The following CYP2D6 variants were observed in gnomAD, a reference collection of about 807,000 sequenced individuals.
CYP2D6 encodes the protein cytochrome P450 2D6.
A neutral mutation model predicts 43.5 loss-of-function variants in CYP2D6; 51 were observed. The observed-to-expected ratio is 1.17, with a 90% CI of 0.94 to 1.48. CYP2D6 has a LOEUF of 1.48. Among genes scored for constraint, CYP2D6 ranks in the 40% most tolerant of loss-of-function variants. The pLI is 0.00. For missense variants in CYP2D6, 698 were observed against 688.0 expected, an observed-to-expected ratio of 1.01 and a Z score of -0.16; for synonymous variants, 346 against 297.1, an observed-to-expected ratio of 1.16 and a Z score of -1.69.
In CYP2D6 at chr22:42,129,120, G is replaced by A. The variant is rs1348130038; in HGVS notation, c.418C>T (p.Arg140Cys). ...GACTTCTTGCCCAGGCCCAAGTTGC[G>A]CAAGGTGGACACGGAGAAGCGCCTC... ...EQRRFSVSTLRNLGLGKKSLE... is the reference protein window; with the variant it reads ...EQRRFSVSTLCNLGLGKKSLE... Residue 140 changes from arginine (R) to cysteine (C), a missense_variant, in exon 3 of 9, where the codon CGC becomes TGC. Physicochemically the swap from Arg to Cys is radical, Grantham distance 180. Coordinates refer to ENST00000645361, the MANE Select transcript of CYP2D6 (RefSeq NM_000106.6). The A allele has an allele frequency of 3.7e-6, 6 of 1,610,436 alleles. No homozygotes were observed. The highest frequency in any genetic ancestry group is 2.2e-5 in the East Asian group (1 of 44,754).
Position 42,128,213 on chromosome 22 carries a change from G to C in CYP2D6, c.804C>G (p.Pro268=), listed in dbSNP as rs755706099. ...CCAGGAAGGCCTCAGTCAGGTCTCGGGGGGGCTGGGCTGGGTCCCAGGTCA... is the reference window on the plus strand; with the variant it reads ...CCAGGAAGGCCTCAGTCAGGTCTCGCGGGGGCTGGGCTGGGTCCCAGGTCA... ...HRMTWDPAQP[P]RDLTEAFLAE... The change falls in exon 5 of 9, where the codon CCC becomes CCG. Residue 268 remains proline, a synonymous_variant. Coordinates refer to ENST00000645361, the MANE Select transcript of CYP2D6 (RefSeq NM_000106.6). 1.1e-5 allele frequency: 17 copies of C among 1,609,668 alleles called. 1 individual carries two copies. In the East Asian group the frequency reaches 1.1e-4, roughly 11 times the overall value.
rs1395910637 is a variant in CYP2D6 at position 42,129,147 on chromosome 22, G to A, written c.391C>T (p.Gln131Ter). 1 of 1,609,096 alleles carries A rather than the reference G, an allele frequency of 6.2e-7. No individual in the cohort carries two copies. The highest frequency in any genetic ancestry group is 1.7e-5 in the Admixed American group (1 of 59,902). The change falls in exon 3 of 9, where the codon CAG (glutamine) becomes TAG (stop). Residue 131 changes from glutamine to a stop codon, truncating the protein, a stop_gained. Coordinates refer to ENST00000645361, the MANE Select transcript of CYP2D6 (RefSeq NM_000106.6). LOFTEE classifies it high-confidence loss of function. ...AAGGTGGACACGGAGAAGCGCCTCT[G>A]CTCGCGCCACGCGGGCCCATAGCGC... ...LARYGPAWRE[Q>*]RRFSVSTLRN...
intron 4 of CYP2D6, 142 bp downstream of exon 4, chr22:42,128,642 A>G: frequency 9.9e-7 from 1 of 1,012,330 alleles, no homozygotes; most frequent in Non-Finnish European, 1.5e-6. Flanking sequence ...CTCCTCCTCC[A>G]GGCCCTTCTT....
At position 42,129,216 on chromosome 22, in the gene CYP2D6, C is replaced by G. The variant is rs768749385; in HGVS notation, c.353-31G>C. The G allele has an allele frequency of 6.9e-6, 11 of 1,596,100 alleles. No individual in the cohort carries two copies. In the South Asian group the frequency reaches 1.2e-4, roughly 18 times the overall value. ...GGTGGGACGGGCACGTGCGCGTGGC[C>G]ATGAAGGCATTAGCCCCACCATCCA... On this transcript the variant is annotated intron_variant, in intron 2 of 8. Coordinates refer to ENST00000645361, the MANE Select transcript of CYP2D6 (RefSeq NM_000106.6).
In CYP2D6 at chr22:42,127,652, C is replaced by T. The variant is rs1931155382; in HGVS notation, c.986-18G>A. 5.6e-6 allele frequency: 9 copies of T among 1,609,438 alleles called. 1 individual carries two copies. Among genetic ancestry groups the T allele is most frequent in the African/African-American group, 1.3e-5 (1 of 74,460 alleles). ...GACACGGCCTGGACAGACATGCGTC[C>T]CCACAATGGGTCAGCACCCAGGGGG... is the stretch of plus-strand genomic sequence containing the variant. On this transcript the variant is annotated intron_variant, in intron 6 of 8. Transcript: ENST00000645361.
chr22:42,127,432 G>T lies in CYP2D6; in HGVS notation c.1173+15C>A, dbSNP rs1306424560. On this transcript the variant is annotated intron_variant, in intron 7 of 8. Coordinates refer to ENST00000645361, the MANE Select transcript of CYP2D6 (RefSeq NM_000106.6). ...TGCTGGTGCTGAGCTGGGGTGAGGA[G>T]GGCGCCAGGCCTACCTTAGGGATGC... 5 of 1,594,522 alleles carry T rather than the reference G, an allele frequency of 3.1e-6. No homozygotes were observed. The highest frequency in any genetic ancestry group is 4.3e-6 in the Non-Finnish European group (5 of 1,164,138).
chr22:42,129,615 G>T lies in CYP2D6; in HGVS notation c.352+123C>A, dbSNP rs574396859. ...CCTAGTGCAGGTGGTTTCTTGGCCC[G>T]CTGTCCCCACTCGCTGGCCTGTTTC... On this transcript the variant is annotated intron_variant, in intron 2 of 8. Transcript: ENST00000645361. 38 of 1,344,412 alleles carry T rather than the reference G, an allele frequency of 2.8e-5. 1 individual carries two copies. Among genetic ancestry groups the T allele is most frequent in the African/African-American group, 5.8e-5 (4 of 68,838 alleles). The allele number at this position is 1,344,412 out of a possible 1,614,324, so 83.3% of individuals were successfully genotyped here.
chr22:42,127,379 C>G (rs1410499260), intron 7 of CYP2D6, 68 bp downstream of exon 7: 1 of 1,350,398 alleles, frequency 7.4e-7, no homozygotes, highest in Admixed American at 1.8e-5. Context: ...GCCCACCTGG[C>G]AGTAGCCATG....
In CYP2D6 at chr22:42,128,181, A is replaced by T. The variant is rs1135828; in HGVS notation, c.836T>A (p.Met279Lys). ...CGTGGCAGCCACTCTCACCTTCTCC[A>T]TCTCTGCCAGGAAGGCCTCAGTCAG... The part of the protein sequence containing the change: ...RDLTEAFLAE[M>K]EKAKGNPESS... Residue 279 changes from methionine to lysine, a missense_variant, in exon 5 of 9, where the codon ATG becomes AAG. Around this residue, in one of 5 missense-constraint regions of CYP2D6, gnomAD observed 588 missense variants for 521.1 expected, o/e 1.13. Coordinates refer to ENST00000645361, the MANE Select transcript of CYP2D6 (RefSeq NM_000106.6). 9.8e-4 allele frequency: 1,567 copies of T among 1,601,872 alleles called. 87 individuals carry two copies. The South Asian group carries it at 0.012, about 12-fold the overall frequency.
At chr22:42,129,208 C>A in intron 2 of CYP2D6, 23 bp from the exon 3 acceptor site, 1 of 1,597,232 alleles carries the variant, frequency 6.3e-7, no homozygotes, top group East Asian at 2.2e-5. Context: ...CGGGCACGTG[C>A]GCGTGGCCAT....
In CYP2D6 at chr22:42,129,710, A is replaced by C. The variant is rs771000444; in HGVS notation, c.352+28T>G. The C allele has an allele frequency of 9.3e-6, 15 of 1,608,716 alleles. 1 individual carries two copies. The highest frequency in any genetic ancestry group is 1.6e-4 in the Middle Eastern group (1 of 6,080). ...CATCACCCACCCGGGTCCCACGGAAATCTGTCTCTGTCCCCACCGCTGCTT... is the reference window on the plus strand; with the variant it reads ...CATCACCCACCCGGGTCCCACGGAACTCTGTCTCTGTCCCCACCGCTGCTT... On this transcript the variant is annotated intron_variant, in intron 2 of 8. Transcript: ENST00000645361.
rs573146761 is a variant in CYP2D6 at position 42,128,969 on chromosome 22, G to A, written c.506-25C>T. On this transcript the variant is annotated intron_variant, in intron 3 of 8. Coordinates refer to ENST00000645361, the MANE Select transcript of CYP2D6 (RefSeq NM_000106.6). ...CCTGGGGGTGGGAGATGCGGGTAAG[G>A]GGTCGCCTTCCCCGTCCCCCGCCTT... is the stretch of plus-strand genomic sequence containing the variant. 1.9e-6 allele frequency: 3 copies of A among 1,582,806 alleles called. No homozygotes were observed. The highest frequency in any genetic ancestry group is 2.7e-5 in the African/African-American group (2 of 73,802).
Position 42,129,380 on chromosome 22 carries a change from C to T in CYP2D6, c.353-195G>A, listed in dbSNP as rs1174898951. The T allele has an allele frequency of 4.6e-6, 4 of 868,048 alleles. No homozygotes were observed. Among genetic ancestry groups the T allele is most frequent in the Non-Finnish European group, 5.6e-6 (3 of 536,466 alleles). The allele number at this position is 868,048 out of a possible 1,614,324, so 53.8% of individuals were successfully genotyped here. ...CTTTGCCCCACCTCGTCTCTGCCCA[C>T]CCTGACCGCCTTTGCACTCAGGGAA... On this transcript the variant is annotated intron_variant, in intron 2 of 8. Coordinates refer to ENST00000645361, the MANE Select transcript of CYP2D6 (RefSeq NM_000106.6).
In CYP2D6 at chr22:42,128,810, T is replaced by C. The variant is rs775461428; in HGVS notation, c.640A>G (p.Lys214Glu). 28 of 1,606,452 alleles carry C rather than the reference T, an allele frequency of 1.7e-5. No homozygotes were observed. The highest frequency in any genetic ancestry group is 2.2e-5 in the Non-Finnish European group (26 of 1,175,912). ...TCGCGCAGAAAGCCCGACTCCTCCT[T>C]CAGTCCCTCCTGAGCTAGGTCCAGC... ...RLLDLAQEGLKEESGFLREVL... is the reference protein window; with the variant it reads ...RLLDLAQEGLEEESGFLREVL... Residue 214 changes from lysine (K) to glutamate (E), a missense_variant, in exon 4 of 9, where the codon AAG (lysine) becomes GAG (glutamate). Lys to Glu is a moderately conservative substitution (Grantham distance 56, BLOSUM62 1). This residue lies in a region of CYP2D6 where 588 missense variants were observed against 521.1 expected (regional missense o/e 1.13). Transcript: ENST00000645361.
At chr22:42,129,217 A>G in intron 2 of CYP2D6, 32 bp from the exon 3 acceptor site, 7 of 1,596,176 alleles carry the variant, frequency 4.4e-6, no homozygotes, top group Non-Finnish European at 6.0e-6. Context: ...GCGCGTGGCC[A>G]TGAAGGCATT....
In CYP2D6 at chr22:42,127,762, G is replaced by A. The variant is rs1285887918; in HGVS notation, c.985+80C>T. The A allele has an allele frequency of 4.4e-5, 70 of 1,579,288 alleles. 2 individuals carry two copies. The highest frequency in any genetic ancestry group is 5.4e-5 in the African/African-American group (4 of 73,530). On this transcript the variant is annotated intron_variant, in intron 6 of 8. Coordinates refer to ENST00000645361, the MANE Select transcript of CYP2D6 (RefSeq NM_000106.6). ...TGGTCAAGCCTGTGCTTGGAGCCCC[G>A]GGTGTCCCAGCAAAGTTCATGGGCC...
Position 42,127,177 on chromosome 22 carries a change from G to A in CYP2D6, c.1174-185C>T, listed in dbSNP as rs548582308. ...GCAGGGCGCAGTCACACCTCTCAGA[G>A]GCACCCACACTGCCCCCTCTCCCTG... On this transcript the variant is annotated intron_variant, in intron 7 of 8. Transcript: ENST00000645361. Among the ~76,000 whole-genome samples, 29 of 151,226 alleles carry A rather than the reference G, an allele frequency of 1.9e-4. 1 individual carries two copies. The highest frequency in any genetic ancestry group is 7.1e-4 in the African/African-American group (29 of 40,968).
chr22:42,129,471 TC>T lies in CYP2D6; in HGVS notation c.352+266del, dbSNP rs1172058948. 5.5e-6 allele frequency: 4 copies of T among 725,758 alleles called. No individual in the cohort carries two copies. The African/African-American group carries it at 7.0e-5, about 13-fold the overall frequency. The allele number at this position is 725,758 out of a possible 1,614,324, so 45.0% of individuals were successfully genotyped here. A position where few individuals can be genotyped will look rare whatever the true frequency, so the allele number is the denominator to read the frequency against. ...ACAGGTGCGGTCCCCGCCCCCCACT[TC>T]GACACCGGATTCCAGCTGGGAAATG... is the stretch of plus-strand genomic sequence containing the variant. On this transcript the variant is annotated intron_variant, in intron 2 of 8. Coordinates refer to ENST00000645361, the MANE Select transcript of CYP2D6 (RefSeq NM_000106.6).
chr22:42,129,999 G>A lies in CYP2D6; in HGVS notation c.181-90C>T, dbSNP rs1315172880. 76 of 1,353,788 alleles carry A rather than the reference G, an allele frequency of 5.6e-5. No individual in the cohort carries two copies. In the South Asian group the frequency reaches 9.3e-4, roughly 17 times the overall value. 83.9% of individuals were successfully genotyped at this position (1,353,788 alleles called of 1,614,324 possible). On this transcript the variant is annotated intron_variant, in intron 1 of 8. Transcript: ENST00000645361. The stretch of plus-strand genomic sequence containing the variant: ...TATTTGAACCTTGGACGACCCCCGG[G>A]GCTACCAGGAGTGAGCAGGTGGAAG...
Sources: allele counts gnomAD v4.1 joint callset (sites outside exome capture counted in the v4.1 genomes callset), GRCh38; gene constraint gnomAD v4.1.1; regional missense constraint gnomAD v4.1.1; transcripts MANE v1.5; gene names NCBI Gene and HGNC (gene_info 2026-07-23, HGNC 2026-07-21).